MACROD2: variants seen among roughly 807,000 people sequenced by gnomAD.
The protein encoded by MACROD2 is mono-ADP ribosylhydrolase 2.
A neutral mutation model predicts 70.4 loss-of-function variants in MACROD2; 36 were observed. That is an observed-to-expected ratio of 0.51 (90% confidence interval 0.39 to 0.68). The LOEUF is 0.68. Among genes scored for constraint, MACROD2 ranks in the 30% least tolerant of loss-of-function variants. MACROD2 has a pLI of 0.00. For missense variants in MACROD2, 496 were observed against 538.4 expected (o/e 0.92, Z 0.78); for synonymous variants, 172 against 178.8 (o/e 0.96, Z 0.30).
At chr20:15,633,463 C>T (rs1374394034) in intron 8 of MACROD2, among the ~76,000 whole-genome samples, 1 of 152,118 alleles carries the variant, frequency 6.6e-6, no homozygotes, top group Non-Finnish European at 1.5e-5. Context: ...TTCCCAGAAC[C>T]AGAAAATGCC....
intron 3 of MACROD2, among the ~76,000 whole-genome samples, chr20:14,104,137 C>T (rs2054337817): frequency 6.6e-6 from 1 of 152,054 alleles, no homozygotes; most frequent in South Asian, 2.1e-4. Flanking sequence ...TAAACTTTAC[C>T]ATTATTAGGT....
At chr20:14,398,502 T>A (rs2083604095) in intron 3 of MACROD2, among the ~76,000 whole-genome samples, 1 of 152,070 alleles carries the variant, frequency 6.6e-6, no homozygotes. Flanking sequence ...TGATGATTAG[T>A]GATGTGGAGC....
At chr20:14,821,376 T>C (rs2072842725) in intron 5 of MACROD2, among the ~76,000 whole-genome samples, 1 of 151,848 alleles carries the variant, frequency 6.6e-6, no homozygotes, top group East Asian at 1.9e-4. Context: ...TAGCAGAGAG[T>C]TTGGTCAGAT....
At chr20:14,270,131 A>G (rs2082178938) in intron 3 of MACROD2, among the ~76,000 whole-genome samples, 1 of 152,172 alleles carries the variant, frequency 6.6e-6, no homozygotes, top group South Asian at 2.1e-4. Flanking sequence ...AAAATATATA[A>G]GGCTCATAAA....
At chr20:15,194,861 GT>G (rs2076594955) in intron 5 of MACROD2, among the ~76,000 whole-genome samples, 3 of 152,052 alleles carry the variant, frequency 2.0e-5, no homozygotes, top group African/African-American at 7.2e-5. Context: ...CAGCCTCGTG[GT>G]TCCTAATCCT....
intron 7 of MACROD2, among the ~76,000 whole-genome samples, chr20:15,490,505 C>T (rs2047218709): frequency 6.6e-6 from 1 of 152,116 alleles, no homozygotes; most frequent in Non-Finnish European, 1.5e-5. Context: ...AAGCAATCCT[C>T]CTGCCAAAAC....
At chr20:14,066,999 G>A (rs1322755303) in intron 2 of MACROD2, among the ~76,000 whole-genome samples, 11 of 151,266 alleles carry the variant, frequency 7.3e-5, no homozygotes, top group Non-Finnish European at 1.0e-4. Flanking sequence ...TTGTAGTAGA[G>A]ATGGGGTTTC....
intron 3 of MACROD2, among the ~76,000 whole-genome samples, chr20:14,274,263 C>T (rs867569886): frequency 4.6e-5 from 7 of 152,066 alleles, no homozygotes; most frequent in African/African-American, 9.7e-5. Context: ...ACTGGCACAC[C>T]GAATCCAGCA....
At chr20:15,979,044 C>T (rs1161958473) in intron 13 of MACROD2, among the ~76,000 whole-genome samples, 1 of 152,038 alleles carries the variant, frequency 6.6e-6, no homozygotes. Flanking sequence ...ATAATTTTTC[C>T]CTTATCCAGG....
At chr20:14,509,529 T>C (rs930660188) in intron 4 of MACROD2, among the ~76,000 whole-genome samples, 4 of 152,002 alleles carry the variant, frequency 2.6e-5, no homozygotes, top group African/African-American at 9.6e-5. Flanking sequence ...TATGTAGTGA[T>C]TAAGAGTGGA....
Position 15,457,794 on chromosome 20 carries a change from A to G in MACROD2, c.571+26359A>G, listed in dbSNP as rs539091806. On this transcript the variant is annotated intron_variant, in intron 7 of 17. Transcript: ENST00000684519. Reference sequence around the variant, plus strand: ...GTCCCTAGGAGATGCCTGGTGTCCTATAATGATTCAATCTTTTAGAGTTGC... The same window carrying G: ...GTCCCTAGGAGATGCCTGGTGTCCTGTAATGATTCAATCTTTTAGAGTTGC... Among the ~76,000 whole-genome samples the G allele has an allele frequency of 5.9e-5, 9 of 152,220 alleles. No individual in the cohort carries two copies. In the South Asian group the frequency reaches 1.2e-3, roughly 21 times the overall value.
chr20:14,587,403 AT>A (rs1981456978), intron 4 of MACROD2, among the ~76,000 whole-genome samples: 1 of 151,708 alleles, frequency 6.6e-6, no homozygotes, highest in South Asian at 2.1e-4. Flanking sequence ...ATTAATTATT[AT>A]TGTTATATTG....
intron 5 of MACROD2, among the ~76,000 whole-genome samples, chr20:15,154,913 T>A (rs1358322297): frequency 6.6e-6 from 1 of 152,174 alleles, no homozygotes; most frequent in Admixed American, 6.5e-5. Context: ...ATGGTTCACT[T>A]GAGTGAGGCA....
rs112612998 is a variant in MACROD2 at position 16,044,559 on chromosome 20, TTC to T, written c.1232-10_1232-9del. The T allele has an allele frequency of 9.3e-5, 150 of 1,606,952 alleles. No homozygotes were observed. The highest frequency in any genetic ancestry group is 3.3e-4 in the Middle Eastern group (2 of 5,990). Reference sequence around the variant, plus strand: ...AATGAATATTTAACTTTTTTTTTTTTTCTGGTGACAGTTGAAATGAATAGTCA... The same window carrying T: ...AATGAATATTTAACTTTTTTTTTTTTTGGTGACAGTTGAAATGAATAGTCA... On this transcript the variant is annotated splice_polypyrimidine_tract_variant and intron_variant, in intron 16 of 17. Transcript: ENST00000684519.
chr20:15,327,286 G>A (rs1245210705), intron 6 of MACROD2, among the ~76,000 whole-genome samples: 2 of 152,096 alleles, frequency 1.3e-5, no homozygotes, highest in African/African-American at 4.8e-5. Flanking sequence ...CTGGGTACAG[G>A]GATTGCACCT....
intron 5 of MACROD2, among the ~76,000 whole-genome samples, chr20:14,700,248 G>A (rs2071179427): frequency 6.6e-6 from 1 of 151,962 alleles, no homozygotes; most frequent in Admixed American, 6.6e-5. Context: ...CATAGTCTGG[G>A]GAAAACTCAT....
At chr20:14,165,688 A>G (rs2148720502) in intron 3 of MACROD2, among the ~76,000 whole-genome samples, 1 of 152,376 alleles carries the variant, frequency 6.6e-6, no homozygotes, top group Admixed American at 6.5e-5. Context: ...AATGCCTTGT[A>G]TAGCAGGGAT....
chr20:14,938,939 G>GCTTTTTTTTTTTTTTTTTTTTTTT (rs1328390610), intron 5 of MACROD2, among the ~76,000 whole-genome samples: 1 of 96,064 alleles, frequency 1.0e-5, no homozygotes, highest in Non-Finnish European at 2.4e-5. Context: ...TGTTAAATCA[G>GCTTTTTTTTTTTTTTTTTTTTTTT]ATTTTTTTTT....
At chr20:15,522,518 G>A (rs1302702027) in intron 8 of MACROD2, among the ~76,000 whole-genome samples, 3 of 152,170 alleles carry the variant, frequency 2.0e-5, no homozygotes, top group Non-Finnish European at 4.4e-5. Context: ...TATTATGGTC[G>A]TTTGAAGAAT....
Sources: allele counts gnomAD v4.1 joint callset (sites outside exome capture counted in the v4.1 genomes callset), GRCh38; gene constraint gnomAD v4.1.1; transcripts MANE v1.5; gene names NCBI Gene and HGNC (gene_info 2026-07-23, HGNC 2026-07-21).